Variants in PTPN13 observed in about 807,000 individuals in gnomAD.
PTPN13 encodes protein tyrosine phosphatase non-receptor type 13.
A neutral mutation model predicts 284.0 loss-of-function variants in PTPN13; 191 were observed. The observed-to-expected ratio is 0.67, with a 90% CI of 0.60 to 0.76. The LOEUF is 0.76. PTPN13 is among the 30% of genes least tolerant of loss of function. The pLI is 0.00. For synonymous variants in PTPN13, 986 were observed against 1,022.3 expected, an observed-to-expected ratio of 0.96 and a Z score of 0.68; for missense variants, 2,797 against 2,939.9, an observed-to-expected ratio of 0.95 and a Z score of 1.12.
chr4:86,808,061 A>G (rs1744841175), intron 45 of PTPN13, among the ~76,000 whole-genome samples, 164 bp downstream of exon 45: 1 of 152,190 alleles, frequency 6.6e-6, no homozygotes, highest in African/African-American at 2.4e-5. Flanking sequence ...TTTATGTAAT[A>G]TAAGTTTAAA....
At chr4:86,693,558 A>G in intron 5 of PTPN13, 29 bp from the exon 6 acceptor site, 1 of 1,426,034 alleles carries the variant, frequency 7.0e-7, no homozygotes, top group Non-Finnish European at 9.4e-7. Flanking sequence ...TCCTTTTGTC[A>G]AACTTGATTT....
intron 16 of PTPN13, among the ~76,000 whole-genome samples, chr4:86,744,154 C>G (rs1204240986): frequency 6.6e-6 from 1 of 152,148 alleles, no homozygotes; most frequent in African/African-American, 2.4e-5. Context: ...TGTTTTATCT[C>G]TCAACCCAGC....
At chr4:86,672,595 A>G in intron 3 of PTPN13, 52 bp downstream of exon 3, 2 of 1,381,128 alleles carry the variant, frequency 1.4e-6, no homozygotes, top group South Asian at 2.7e-5. Flanking sequence ...GGATAGGTCA[A>G]ATAAAGACAA....
At position 86,803,818 on chromosome 4, in the gene PTPN13, G is replaced by A; in HGVS notation, c.6615G>A (p.Arg2205=). 2.5e-6 allele frequency: 4 copies of A among 1,613,806 alleles called. No individual in the cohort carries two copies. Among genetic ancestry groups the A allele is most frequent in the Non-Finnish European group, 3.4e-6 (4 of 1,179,788 alleles). The change falls in exon 43 of 48, where the codon CGG becomes CGA. Residue 2205 remains arginine, a synonymous_variant. Coordinates refer to ENST00000411767, the MANE Select transcript of PTPN13 (RefSeq NM_080683.3). Reference sequence around the variant, plus strand: ...TAAAATCAGTCATTCGAGTCCTGCGGGGTTTGCTAGATCAAGGAATTCCTT... The same window carrying A: ...TAAAATCAGTCATTCGAGTCCTGCGAGGTTTGCTAGATCAAGGAATTCCTT... ...ANLKSVIRVL[R]GLLDQGIPSK...
At position 86,800,634 on chromosome 4, in the gene PTPN13, A is replaced by G. The variant is rs185304860; in HGVS notation, c.6505+1430A>G. Among the ~76,000 whole-genome samples the G allele has an allele frequency of 7.6e-5, 11 of 144,790 alleles. No individual in the cohort carries two copies. In the East Asian group the frequency reaches 1.9e-3, roughly 24 times the overall value. 95.0% of individuals were successfully genotyped at this position (144,790 alleles called of 152,430 possible). On this transcript the variant is annotated intron_variant, in intron 42 of 47. Transcript: ENST00000411767. ...GTCACTGCACTCCAGCCTGGGTGAT[A>G]GAGTGAGATCCTGTCAGAAAGAAAG...
intron 1 of PTPN13, among the ~76,000 whole-genome samples, chr4:86,599,813 T>C (rs935541640): frequency 3.3e-5 from 5 of 152,200 alleles, no homozygotes; most frequent in Non-Finnish European, 5.9e-5. Context: ...GTTTTTCTTT[T>C]CAAAGTTAAC....
At chr4:86,791,152 T>G (rs1742608404) in intron 40 of PTPN13, among the ~76,000 whole-genome samples, 1 of 152,132 alleles carries the variant, frequency 6.6e-6, no homozygotes, top group Non-Finnish European at 1.5e-5. Context: ...ACACTGTGCT[T>G]TTCCCACAGT....
intron 7 of PTPN13, among the ~76,000 whole-genome samples, chr4:86,703,510 G>A (rs1051777847): frequency 2.7e-5 from 4 of 150,704 alleles, no homozygotes; most frequent in Non-Finnish European, 5.9e-5. Context: ...ATGAAGATAT[G>A]TACCAATCTA....
Position 86,734,343 on chromosome 4 carries a change from C to G in PTPN13, c.1899C>G (p.Thr633=), listed in dbSNP as rs773432063. ...YFFVDPDLKL[T]KVAPEGWKEE... The stretch of plus-strand genomic sequence containing the variant: ...TTGTTGATCCTGACTTAAAATTAAC[C>G]AAAGTGGCCCCAGAGGGATGGAAAG... The change falls in exon 13 of 48, where the codon ACC becomes ACG. Residue 633 remains threonine, a synonymous_variant. Transcript: ENST00000411767. 5.2e-6 allele frequency: 8 copies of G among 1,545,128 alleles called. No homozygotes were observed. Among genetic ancestry groups the G allele is most frequent in the Admixed American group, 2.0e-5 (1 of 50,738 alleles).
At chr4:86,768,000 C>T (rs1739530227) in intron 28 of PTPN13, 24 bp downstream of exon 28, 11 of 1,588,918 alleles carry the variant, frequency 6.9e-6, no homozygotes, top group East Asian at 2.2e-5. Context: ...AGACTACAAT[C>T]TCACCTTTAA....
At chr4:86,606,681 G>C (rs1764776786) in intron 1 of PTPN13, among the ~76,000 whole-genome samples, 1 of 151,690 alleles carries the variant, frequency 6.6e-6, no homozygotes, top group African/African-American at 2.4e-5. Context: ...TCAATAAATA[G>C]GTTTAGTATT....
At chr4:86,783,068 C>T (rs937557993) in intron 37 of PTPN13, among the ~76,000 whole-genome samples, 4 of 152,100 alleles carry the variant, frequency 2.6e-5, no homozygotes, top group African/African-American at 7.2e-5. Flanking sequence ...TTTATTAATC[C>T]GAAAGTCTTA....
At chr4:86,798,118 G>A (rs1238979848) in intron 41 of PTPN13, among the ~76,000 whole-genome samples, 1 of 152,054 alleles carries the variant, frequency 6.6e-6, no homozygotes, top group African/African-American at 2.4e-5. Flanking sequence ...TTTTGAGATT[G>A]AGAAACAAAA....
chr4:86,639,318 C>T (rs1273562827), intron 2 of PTPN13, among the ~76,000 whole-genome samples: 2 of 152,088 alleles, frequency 1.3e-5, no homozygotes, highest in African/African-American at 4.8e-5. Flanking sequence ...CCAGCCATCC[C>T]ATTACTGGGT....
rs1394712489 is a variant in PTPN13 at position 86,799,174 on chromosome 4, G to C, written c.6475G>C (p.Glu2159Gln). The change falls in exon 42 of 48, where the codon GAG (glutamate) becomes CAG (glutamine). Residue 2159 changes from glutamate to glutamine, a missense_variant. Coordinates refer to ENST00000411767, the MANE Select transcript of PTPN13 (RefSeq NM_080683.3). Reference protein sequence around the residue: ...ITWGNDELPIERTNHEDSDKD... With the variant: ...ITWGNDELPIQRTNHEDSDKD... ...ATGGGGAAATGATGAGTTGCCAATA[G>C]AGAGAACAAACCATGAAGATTCTGA... The C allele has an allele frequency of 6.3e-7, 1 of 1,582,886 alleles. No homozygotes were observed. The highest frequency in any genetic ancestry group is 8.6e-7 in the Non-Finnish European group (1 of 1,165,458).
At chr4:86,708,800 A>G (rs942835152) in intron 7 of PTPN13, among the ~76,000 whole-genome samples, 9 of 152,172 alleles carry the variant, frequency 5.9e-5, no homozygotes, top group Admixed American at 4.6e-4. Context: ...CCAATGTTCC[A>G]TCACCTGAAC....
At chr4:86,731,662 G>A (rs1309616034) in intron 10 of PTPN13, among the ~76,000 whole-genome samples, 1 of 151,946 alleles carries the variant, frequency 6.6e-6, no homozygotes, top group Non-Finnish European at 1.5e-5. Flanking sequence ...ATTTTTTTTA[G>A]AGGTAGGGTC....
intron 1 of PTPN13, among the ~76,000 whole-genome samples, chr4:86,622,833 A>G (rs768877745): frequency 6.6e-6 from 1 of 152,214 alleles, no homozygotes; most frequent in Non-Finnish European, 1.5e-5. Flanking sequence ...CCCACCGCAT[A>G]TATTCAGTTA....
intron 1 of PTPN13, among the ~76,000 whole-genome samples, chr4:86,598,934 T>C (rs1297879666): frequency 6.6e-6 from 1 of 152,170 alleles, no homozygotes; most frequent in Non-Finnish European, 1.5e-5. Flanking sequence ...TAATTTTTTA[T>C]TTTTTGTAGA....
Sources: allele counts gnomAD v4.1 joint callset (sites outside exome capture counted in the v4.1 genomes callset), GRCh38; gene constraint gnomAD v4.1.1; transcripts MANE v1.5; gene names NCBI Gene and HGNC (gene_info 2026-07-23, HGNC 2026-07-21).